CREB5: variants seen among roughly 807,000 people sequenced by gnomAD.
CREB5 encodes the protein cyclic AMP-responsive element-binding protein 5.
Under a neutral mutation model 57.1 loss-of-function variants are expected in CREB5, and 19 were observed. The ratio of observed to expected loss-of-function variants is 0.33; its 90% CI spans 0.23 to 0.49. CREB5 has a LOEUF of 0.49. CREB5 is among the 20% of genes least tolerant of loss of function. The pLI is 0.99. For synonymous variants in CREB5, 238 were observed against 238.3 expected (o/e 1.00, Z 0.01); for missense variants, 579 against 671.6 (o/e 0.86, Z 1.52).
chr7:28,302,753 C>T (rs1785118497), intron 1 of CREB5, among the ~76,000 whole-genome samples: 1 of 152,180 alleles, frequency 6.6e-6, no homozygotes, highest in East Asian at 1.9e-4. Flanking sequence ...ACCACTAAAA[C>T]ACCACCTTTA....
intron 1 of CREB5, among the ~76,000 whole-genome samples, chr7:28,480,254 G>T (rs1463532414): frequency 6.6e-6 from 1 of 152,058 alleles, no homozygotes; most frequent in African/African-American, 2.4e-5. Context: ...ACTGTAGTAG[G>T]GCACAAAGGG....
intron 1 of CREB5, among the ~76,000 whole-genome samples, chr7:28,318,488 T>C (rs1356646533): frequency 2.6e-5 from 4 of 152,244 alleles, no homozygotes; most frequent in African/African-American, 4.8e-5. Flanking sequence ...GTGGGTTAAA[T>C]TGAAAATGTA....
At chr7:28,734,485 A>G (rs1328351638) in intron 7 of CREB5, among the ~76,000 whole-genome samples, 1 of 152,126 alleles carries the variant, frequency 6.6e-6, no homozygotes, top group Admixed American at 6.5e-5. Flanking sequence ...ACATTTTAAT[A>G]ATTATCTAAT....
At chr7:28,708,900 T>C (rs1802263983) in intron 5 of CREB5, among the ~76,000 whole-genome samples, 1 of 152,232 alleles carries the variant, frequency 6.6e-6, no homozygotes, top group South Asian at 2.1e-4. Context: ...TATTCATTTA[T>C]GGTGAATGAA....
chr7:28,357,899 G>A (rs1319231761), intron 1 of CREB5, among the ~76,000 whole-genome samples: 1 of 152,132 alleles, frequency 6.6e-6, no homozygotes, highest in East Asian at 1.9e-4. Flanking sequence ...AGGGTATTTT[G>A]GGGTGTTATG....
At chr7:28,561,025 CGTGTGTGTGT>C (rs79113344) in intron 4 of CREB5, among the ~76,000 whole-genome samples, 15 of 49,678 alleles carry the variant, frequency 3.0e-4, no homozygotes, top group South Asian at 8.7e-4. Context: ...TGCGTGTGTG[CGTGTGTGTGT>C]GTGTGTGTGA....
intron 3 of CREB5, among the ~76,000 whole-genome samples, chr7:28,506,298 T>C (rs1792476507): frequency 6.6e-6 from 1 of 152,366 alleles, no homozygotes; most frequent in Middle Eastern, 3.4e-3. Flanking sequence ...TAATTCTAGT[T>C]TCTTATAATA....
intron 1 of CREB5, among the ~76,000 whole-genome samples, chr7:28,335,851 C>A (rs566444557): frequency 3.3e-5 from 5 of 151,956 alleles, no homozygotes; most frequent in Admixed American, 2.6e-4. Flanking sequence ...TTGTATATGG[C>A]TTTTATTATG....
intron 7 of CREB5, among the ~76,000 whole-genome samples, chr7:28,755,656 A>G (rs1805257396): frequency 1.3e-5 from 2 of 152,212 alleles, no homozygotes; most frequent in African/African-American, 4.8e-5. Flanking sequence ...TAAGAAAAAA[A>G]CTTACTAAGC....
chr7:28,598,114 G>A (rs181069443), intron 5 of CREB5, among the ~76,000 whole-genome samples: 198 of 152,138 alleles, frequency 1.3e-3, no homozygotes, highest in Non-Finnish European at 2.3e-3. Context: ...ATTCCCACAT[G>A]TTGTGGGAGG....
chr7:28,580,542 T>A (rs1016295313), intron 5 of CREB5, among the ~76,000 whole-genome samples: 1 of 140,330 alleles, frequency 7.1e-6, no homozygotes, highest in African/African-American at 2.7e-5. Flanking sequence ...TTTGTCGAAA[T>A]CTCATTTGGC....
chr7:28,640,230 A>G (rs1175323656), intron 5 of CREB5, among the ~76,000 whole-genome samples: 1 of 152,174 alleles, frequency 6.6e-6, no homozygotes, highest in Non-Finnish European at 1.5e-5. Flanking sequence ...TCACACCATA[A>G]AAATGTCGTG....
At chr7:28,773,443 T>C (rs1562631022) in intron 7 of CREB5, among the ~76,000 whole-genome samples, 1 of 152,216 alleles carries the variant, frequency 6.6e-6, no homozygotes, top group Non-Finnish European at 1.5e-5. Context: ...ACTGAAGCTA[T>C]TCCAGATAAA....
chr7:28,700,779 C>G (rs192105037), intron 5 of CREB5, among the ~76,000 whole-genome samples: 43 of 152,152 alleles, frequency 2.8e-4, no homozygotes, highest in South Asian at 1.0e-3. Flanking sequence ...AAAATAGAAG[C>G]TCCAAAAAGT....
intron 1 of CREB5, among the ~76,000 whole-genome samples, chr7:28,305,016 G>GA (rs56030931): frequency 6.6e-6 from 1 of 152,146 alleles, no homozygotes; most frequent in Non-Finnish European, 1.5e-5. Context: ...TTATAACTAG[G>GA]AAAAAATACA....
At chr7:28,544,448 T>A (rs76739152) in intron 4 of CREB5, among the ~76,000 whole-genome samples, 3,375 of 152,314 alleles carry the variant, frequency 0.022, 132 homozygotes, top group African/African-American at 0.077. Context: ...CTCCTGCAAA[T>A]TTCCTAGTAT....
chr7:28,349,345 G>C (rs10269463), intron 1 of CREB5, among the ~76,000 whole-genome samples: 1 of 151,686 alleles, frequency 6.6e-6, no homozygotes, highest in Non-Finnish European at 1.5e-5. Flanking sequence ...ACAGTCTTTC[G>C]TTCTTAGCTT....
intron 4 of CREB5, among the ~76,000 whole-genome samples, chr7:28,560,957 T>TGCGCGTGCGCGCGC (rs1375860415): frequency 2.3e-5 from 1 of 43,438 alleles, no homozygotes; most frequent in Non-Finnish European, 4.4e-5. Flanking sequence ...TGTGCGTGTG[T>TGCGCGTGCGCGCGC]GTGCGTGTGT....
intron 4 of CREB5, among the ~76,000 whole-genome samples, chr7:28,511,944 G>A (rs2128609477): frequency 6.6e-6 from 1 of 152,356 alleles, no homozygotes; most frequent in Middle Eastern, 3.4e-3. Flanking sequence ...ATAGCAGGTT[G>A]GCTCAAGGTG....
Sources: gnomAD v4.1 joint callset for allele counts (sites outside exome capture counted in the v4.1 genomes callset) on GRCh38, gnomAD v4.1.1 for gene constraint, MANE v1.5 for transcripts, NCBI Gene and HGNC (gene_info 2026-07-23, HGNC 2026-07-21) for gene names.